VEPH1: variants seen among roughly 807,000 people sequenced by gnomAD.
VEPH1 encodes the protein ventricular zone-expressed PH domain-containing protein homolog 1.
A neutral mutation model predicts 85.2 loss-of-function variants in VEPH1; 80 were observed. The observed-to-expected ratio is 0.94, with a 90% confidence interval of 0.78 to 1.13. The LOEUF is 1.13. VEPH1 is among the 50% of genes most tolerant of loss of function. The pLI is 0.00. For missense variants in VEPH1, 955 were observed against 980.5 expected (o/e 0.97, Z 0.35); for synonymous variants, 297 against 348.0 (o/e 0.85, Z 1.63).
intron 6 of VEPH1, among the ~76,000 whole-genome samples, chr3:157,407,564 G>A (rs1397373911): frequency 6.6e-6 from 1 of 152,080 alleles, no homozygotes; most frequent in Non-Finnish European, 1.5e-5. Flanking sequence ...CACCTTTAAT[G>A]TACATGTGGT....
In VEPH1 at chr3:157,369,193, A is replaced by AAC. The variant is rs1577469705; in HGVS notation, c.1128-4682_1128-4681insGT. Among the ~76,000 whole-genome samples, 637 of 140,632 alleles carry AAC rather than the reference A, an allele frequency of 4.5e-3. 20 individuals are homozygous for AAC. The highest frequency in any genetic ancestry group is 0.015 in the African/African-American group (606 of 39,114). The allele number at this position is 140,632 out of a possible 152,430, so 92.3% of individuals were successfully genotyped here. A position where few individuals can be genotyped will look rare whatever the true frequency, so the allele number is the denominator to read the frequency against. On this transcript the variant is annotated intron_variant, in intron 7 of 13. Coordinates refer to ENST00000362010, the MANE Select transcript of VEPH1 (RefSeq NM_001167912.2). ...CAAAAACCAAATGAAAAAAAAAAAA[A>AAC]AAAAAAAAAAACCTCCTGAGGTCTA...
intron 12 of VEPH1, chr3:157,286,198 C>G (rs563492219): frequency 5.0e-6 from 1 of 199,422 alleles, no homozygotes; most frequent in East Asian, 1.4e-4. Flanking sequence ...TGTGCTGATT[C>G]ACTCATTTAG....
intron 12 of VEPH1, among the ~76,000 whole-genome samples, chr3:157,273,941 C>G (rs1235590545): frequency 6.6e-6 from 1 of 152,178 alleles, no homozygotes; most frequent in Non-Finnish European, 1.5e-5. Flanking sequence ...AAGACTTTCT[C>G]TAGTATAGGC....
intron 7 of VEPH1, among the ~76,000 whole-genome samples, chr3:157,379,475 G>C (rs1249840850): frequency 6.6e-6 from 1 of 152,146 alleles, no homozygotes; most frequent in Non-Finnish European, 1.5e-5. Context: ...CTGCTGGTCA[G>C]TACATCCCTT....
chr3:157,332,488 T>C (rs1318260683), intron 9 of VEPH1, among the ~76,000 whole-genome samples: 2 of 152,246 alleles, frequency 1.3e-5, no homozygotes, highest in Non-Finnish European at 2.9e-5. Context: ...TGGAATCATA[T>C]AATGAGTGGC....
intron 4 of VEPH1, among the ~76,000 whole-genome samples, chr3:157,447,882 A>G (rs1193894284): frequency 6.6e-6 from 1 of 152,166 alleles, no homozygotes; most frequent in Non-Finnish European, 1.5e-5. Context: ...GGCATGAGCC[A>G]CAGCGCCTAG....
At chr3:157,484,679 A>G (rs904672365) in intron 2 of VEPH1, among the ~76,000 whole-genome samples, 1 of 152,208 alleles carries the variant, frequency 6.6e-6, no homozygotes, top group Non-Finnish European at 1.5e-5. Context: ...TAAGATGGGC[A>G]TTAAAGTCTT....
chr3:157,405,203 C>T (rs1377984220), intron 6 of VEPH1, among the ~76,000 whole-genome samples: 2 of 152,164 alleles, frequency 1.3e-5, no homozygotes, highest in Non-Finnish European at 2.9e-5. Context: ...TCCCAGCTCA[C>T]AGGGAACTGC....
At chr3:157,274,314 T>A (rs894992594) in intron 12 of VEPH1, among the ~76,000 whole-genome samples, 2 of 152,206 alleles carry the variant, frequency 1.3e-5, no homozygotes, top group South Asian at 4.1e-4. Flanking sequence ...TTCACTGTGA[T>A]GAACAGGTGG....
At chr3:157,268,932 G>C (rs1038630032) in intron 12 of VEPH1, among the ~76,000 whole-genome samples, 1 of 151,834 alleles carries the variant, frequency 6.6e-6, no homozygotes, top group African/African-American at 2.4e-5. Context: ...ATATTTTTTT[G>C]TATAGACAAG....
intron 4 of VEPH1, among the ~76,000 whole-genome samples, chr3:157,441,584 C>T (rs371226277): frequency 3.8e-4 from 58 of 151,728 alleles, no homozygotes; most frequent in African/African-American, 9.9e-4. Context: ...CTGAGGCAGG[C>T]GGATCTTGAG....
At chr3:157,379,389 T>C (rs1467626355) in intron 7 of VEPH1, among the ~76,000 whole-genome samples, 1 of 152,182 alleles carries the variant, frequency 6.6e-6, no homozygotes, top group Non-Finnish European at 1.5e-5. Context: ...TCTAGAGAAA[T>C]GCTTGGCACA....
At chr3:157,424,354 T>C (rs1368658764) in intron 5 of VEPH1, among the ~76,000 whole-genome samples, 1 of 152,156 alleles carries the variant, frequency 6.6e-6, no homozygotes, top group Non-Finnish European at 1.5e-5. Context: ...ATCAGCAGCA[T>C]GAAAATGGAC....
At chr3:157,372,977 T>C (rs188608100) in intron 7 of VEPH1, among the ~76,000 whole-genome samples, 1 of 152,210 alleles carries the variant, frequency 6.6e-6, no homozygotes, top group East Asian at 1.9e-4. Flanking sequence ...CCTATTATAA[T>C]GCACACCTGT....
intron 2 of VEPH1, among the ~76,000 whole-genome samples, chr3:157,487,641 C>T (rs538936491): frequency 1.3e-5 from 2 of 152,256 alleles, no homozygotes; most frequent in South Asian, 2.1e-4. Flanking sequence ...AGACCAATCT[C>T]ATATATAAGC....
intron 12 of VEPH1, among the ~76,000 whole-genome samples, chr3:157,273,798 A>G (rs1340634183): frequency 6.6e-6 from 1 of 152,250 alleles, no homozygotes; most frequent in Non-Finnish European, 1.5e-5. Context: ...ACAAGAGTTC[A>G]ATAATTCACT....
At chr3:157,480,565 T>C (rs1330914182) in intron 2 of VEPH1, among the ~76,000 whole-genome samples, 1 of 152,166 alleles carries the variant, frequency 6.6e-6, no homozygotes, top group East Asian at 1.9e-4. Context: ...TAGTTTCTGT[T>C]TCTGCTTTAG....
intron 12 of VEPH1, among the ~76,000 whole-genome samples, chr3:157,275,980 TGGTTTTTGA>T (rs1204465820): frequency 6.6e-6 from 1 of 152,198 alleles, no homozygotes; most frequent in Non-Finnish European, 1.5e-5. Context: ...TGAGTGTCTG[TGGTTTTTGA>T]AATTGCTAAG....
chr3:157,483,952 T>C (rs1738380912), intron 2 of VEPH1, among the ~76,000 whole-genome samples: 1 of 152,090 alleles, frequency 6.6e-6, no homozygotes, highest in East Asian at 1.9e-4. Context: ...CTTTACAAAA[T>C]TGAAAAAAGA....
Sources: gnomAD v4.1 joint callset for allele counts (sites outside exome capture counted in the v4.1 genomes callset) on GRCh38, gnomAD v4.1.1 for gene constraint, MANE v1.5 for transcripts, NCBI Gene and HGNC (gene_info 2026-07-23, HGNC 2026-07-21) for gene names.